The following KIF13A variants were observed in gnomAD, a reference collection of about 807,000 sequenced individuals.
KIF13A encodes the protein kinesin family member 13A, also known as kinesin-like protein KIF13A.
In KIF13A, 79 loss-of-function variants were observed where a neutral mutation model predicts 212.2. That is an observed-to-expected ratio of 0.37 (90% CI 0.31 to 0.45). KIF13A has a LOEUF of 0.45. Ranked by LOEUF, KIF13A falls within the 20% of genes least tolerant of loss-of-function variation. The pLI, the probability that KIF13A is intolerant of heterozygous loss-of-function variation, is 1.00. For missense variants in KIF13A, 1,901 were observed against 2,209.0 expected, an observed-to-expected ratio of 0.86 and a Z score of 2.79; for synonymous variants, 789 against 808.6, an observed-to-expected ratio of 0.98 and a Z score of 0.41.
At chr6:17,803,375 CAT>C (rs1762640710) in intron 20 of KIF13A, among the ~76,000 whole-genome samples, 1 of 152,088 alleles carries the variant, frequency 6.6e-6, no homozygotes, top group African/African-American at 2.4e-5. Flanking sequence ...GCAGAATGTC[CAT>C]GGGGTGTTTC....
At chr6:17,845,936 C>T (rs1766989791) in intron 9 of KIF13A, among the ~76,000 whole-genome samples, 1 of 152,026 alleles carries the variant, frequency 6.6e-6, no homozygotes, top group South Asian at 2.1e-4. Context: ...CCCTGACAGG[C>T]CTGCTTAAGA....
intron 35 of KIF13A, 121 bp downstream of exon 35, chr6:17,774,894 C>CA (rs1554161414): frequency 9.5e-6 from 6 of 630,026 alleles, no homozygotes; most frequent in Non-Finnish European, 7.9e-6. Flanking sequence ...TTTTCTTTTT[C>CA]TTTTTTTTTA....
chr6:17,826,088 G>A lies in KIF13A; in HGVS notation c.1569C>T (p.Thr523=), dbSNP rs1409454788. The A allele has an allele frequency of 1.5e-5, 25 of 1,613,994 alleles. No homozygotes were observed. Among genetic ancestry groups the A allele is most frequent in the Non-Finnish European group, 2.1e-5 (25 of 1,179,882 alleles). The stretch of plus-strand genomic sequence containing the variant: ...GGATTCGGTCACCATGCCACAGCTG[G>A]GTGGTACTGCACACAAGGGTGCCGT... The part of the protein sequence containing the change: ...CVNGTLVCST[T]QLWHGDRILW... Residue 523 remains threonine, a synonymous_variant, in exon 15 of 39, where the codon ACC becomes ACT. Coordinates refer to ENST00000259711, the MANE Select transcript of KIF13A (RefSeq NM_022113.6). The surrounding 1 kb of genome is among the most constrained non-coding windows in gnomAD (Gnocchi z 4.7).
chr6:17,824,478 G>A (rs766059348), intron 16 of KIF13A, among the ~76,000 whole-genome samples: 44 of 151,956 alleles, frequency 2.9e-4, no homozygotes, highest in Non-Finnish European at 4.7e-4. Context: ...CAAAATGCTC[G>A]GCTGGGCGTG....
Position 17,987,218 on chromosome 6 carries a change from CG to C in KIF13A, c.56-75del. On this transcript the variant is annotated intron_variant, in intron 1 of 38. Coordinates refer to ENST00000259711, the MANE Select transcript of KIF13A (RefSeq NM_022113.6). This position sits in a 1 kb window ranked among gnomAD's most constrained non-coding sequence, Gnocchi z 7.7. ...CAGCCCGCCCGCCCGCCAGCCGCGC[CG>C]AGCGGGGCTCCGTCCCTGGAGGCGG... 7.6e-7 allele frequency: 1 copy of C among 1,314,738 alleles called. No individual in the cohort carries two copies. The highest frequency in any genetic ancestry group is 1.1e-6 in the Non-Finnish European group (1 of 949,654). 81.4% of individuals were successfully genotyped at this position (1,314,738 alleles called of 1,614,324 possible). A position where few individuals can be genotyped will look rare whatever the true frequency, so the allele number is the denominator to read the frequency against.
rs189577243 is a variant in KIF13A at position 17,776,992 on chromosome 6, T to A, written c.4170+285A>T. Among the ~76,000 whole-genome samples, 545 of 152,318 alleles carry A rather than the reference T, an allele frequency of 3.6e-3. 2 individuals are homozygous for A. Among genetic ancestry groups the A allele is most frequent in the African/African-American group, 0.013 (524 of 41,558 alleles). ...CCAGGGACTCGGGTGCAAGTATTCA[T>A]AGCTGACTCCACCATCTGTAACCAA... On this transcript the variant is annotated intron_variant, in intron 34 of 38. Transcript: ENST00000259711. This position sits in a 1 kb window ranked among gnomAD's most constrained non-coding sequence, Gnocchi z 4.6.
At chr6:17,784,941 A>G (rs934989806) in intron 28 of KIF13A, among the ~76,000 whole-genome samples, 5 of 152,190 alleles carry the variant, frequency 3.3e-5, no homozygotes, top group African/African-American at 1.2e-4. Flanking sequence ...CAGTTCAAAA[A>G]AGACTATCTG....
At chr6:17,896,017 G>A (rs1323079649) in intron 3 of KIF13A, among the ~76,000 whole-genome samples, 2 of 151,980 alleles carry the variant, frequency 1.3e-5, no homozygotes, top group African/African-American at 2.4e-5. Context: ...GGTATATGTG[G>A]GGAATTGGTT....
intron 4 of KIF13A, among the ~76,000 whole-genome samples, chr6:17,866,716 T>A (rs1300184233): frequency 6.6e-6 from 1 of 151,106 alleles, no homozygotes; most frequent in African/African-American, 2.4e-5. Context: ...TGTTTCTGGG[T>A]CCAACAAACA....
chr6:17,837,113 T>A lies in KIF13A; in HGVS notation c.943-23A>T. On this transcript the variant is annotated intron_variant, in intron 10 of 38. Transcript: ENST00000259711. This position sits in a 1 kb window ranked among gnomAD's most constrained non-coding sequence, Gnocchi z 5.4. ...GTCCTGCCAAGTATTTCAAACAGCA[T>A]CTTAGGAAGCCCATTCCATGGACAA... 2 of 1,602,622 alleles carry A rather than the reference T, an allele frequency of 1.2e-6. No homozygotes were observed. Among genetic ancestry groups the A allele is most frequent in the Non-Finnish European group, 1.7e-6 (2 of 1,170,286 alleles).
At chr6:17,831,956 G>C (rs2150373154) in intron 12 of KIF13A, among the ~76,000 whole-genome samples, 1 of 152,074 alleles carries the variant, frequency 6.6e-6, no homozygotes, top group South Asian at 2.1e-4. Flanking sequence ...GGTGGGAGGA[G>C]ACAGGCCATA....
In KIF13A at chr6:17,825,937, G is replaced by A; in HGVS notation, c.1620-3C>T. 1 of 1,613,464 alleles carries A rather than the reference G, an allele frequency of 6.2e-7. No individual in the cohort carries two copies. Among genetic ancestry groups the A allele is most frequent in the Non-Finnish European group, 8.5e-7 (1 of 1,179,736 alleles). On this transcript the variant is annotated splice_region_variant and splice_polypyrimidine_tract_variant and intron_variant, in intron 15 of 38. Transcript: ENST00000259711. This position sits in a 1 kb window ranked among gnomAD's most constrained non-coding sequence, Gnocchi z 4.5. ...GTTTCCTCTTAGGTAAGTTTATTCT[G>A]TGGGGTTTTTCACCATTAGAGAAAA...
At chr6:17,885,041 T>G (rs906234657) in intron 3 of KIF13A, among the ~76,000 whole-genome samples, 1 of 152,180 alleles carries the variant, frequency 6.6e-6, no homozygotes, top group African/African-American at 2.4e-5. Context: ...ATGTTCAAAT[T>G]TTTCTTTTAA....
chr6:17,936,033 C>T lies in KIF13A; in HGVS notation c.147-37853G>A, dbSNP rs184132680. On this transcript the variant is annotated intron_variant, in intron 2 of 38. Transcript: ENST00000259711. ...AAAAGCCCACACTGACCAACTCAAA[C>T]ACATATGAATGATTAAAAGTAACTT... Among the ~76,000 whole-genome samples the T allele has an allele frequency of 3.4e-3, 517 of 152,310 alleles. 2 individuals are homozygous for T. Among genetic ancestry groups the T allele is most frequent in the African/African-American group, 0.012 (490 of 41,558 alleles).
chr6:17,921,688 A>C (rs1335135489), intron 2 of KIF13A, among the ~76,000 whole-genome samples: 1 of 152,182 alleles, frequency 6.6e-6, no homozygotes, highest in Non-Finnish European at 1.5e-5. Context: ...GGAGAGAGGA[A>C]GGGAGGAGAA....
chr6:17,804,357 T>A lies in KIF13A; in HGVS notation c.2454+4A>T, dbSNP rs746866898. On this transcript the variant is annotated splice_donor_region_variant and intron_variant, in intron 20 of 38. Transcript: ENST00000259711. ...ATCGTTCTCCAAGGCTGGCCTGTGC[T>A]TACCTCCCCCTGCTGGCTGATGATA... 2.6e-6 allele frequency: 4 copies of A among 1,534,786 alleles called. No individual in the cohort carries two copies. The South Asian group carries it at 4.9e-5, about 19-fold the overall frequency.
Position 17,777,301 on chromosome 6 carries a change from G to C in KIF13A, c.4146C>G (p.Ser1382Arg). 1.2e-6 allele frequency: 2 copies of C among 1,613,110 alleles called. No homozygotes were observed. Among genetic ancestry groups the C allele is most frequent in the Non-Finnish European group, 1.7e-6 (2 of 1,179,420 alleles). ...CATTATGAACATTTGGTGTACTGAG[G>C]CTCCTCCGAATGTGCCGGGCTTTGG... ...LSTKARHIRRSLSTPNVHNVS... is the reference protein window; with the variant it reads ...LSTKARHIRRRLSTPNVHNVS... The change falls in exon 34 of 39, where the codon AGC (serine) becomes AGG (arginine). Residue 1382 changes from serine (S) to arginine (R), a missense_variant. Around this residue, in one of 5 missense-constraint regions of KIF13A, gnomAD observed 687 missense variants for 759.1 expected, o/e 0.90. Transcript: ENST00000259711. The surrounding 1 kb of genome is among the most constrained non-coding windows in gnomAD (Gnocchi z 4.4).
rs1390113591 is a variant in KIF13A at position 17,915,943 on chromosome 6, AAAAATAAAAAT to A, written c.147-17774_147-17764del. On this transcript the variant is annotated intron_variant, in intron 2 of 38. Coordinates refer to ENST00000259711, the MANE Select transcript of KIF13A (RefSeq NM_022113.6). This position sits in a 1 kb window ranked among gnomAD's most constrained non-coding sequence, Gnocchi z 4.4. The stretch of plus-strand genomic sequence containing the variant: ...GTGACAGAGAGCCAGTCTCAAAAAA[AAAAATAAAAAT>A]AAAAATAAAATAAAATAAAATAAAT... Among the ~76,000 whole-genome samples, 42 of 132,262 alleles carry A rather than the reference AAAAATAAAAAT, an allele frequency of 3.2e-4. No individual in the cohort carries two copies. The East Asian group carries it at 5.5e-3, about 17-fold the overall frequency. The allele number at this position is 132,262 out of a possible 152,430, so 86.8% of individuals were successfully genotyped here.
chr6:17,832,983 C>T (rs1291012547), intron 12 of KIF13A, among the ~76,000 whole-genome samples: 2 of 132,410 alleles, frequency 1.5e-5, no homozygotes, highest in African/African-American at 6.0e-5. Context: ...CACTGCACTC[C>T]AGCCTGGGCG....
Sources: gnomAD v4.1 joint callset for allele counts (sites outside exome capture counted in the v4.1 genomes callset) on GRCh38, gnomAD v4.1.1 for gene constraint, gnomAD v4.1.1 regional missense constraint, Gnocchi (gnomAD v3.1) non-coding constraint, MANE v1.5 for transcripts, NCBI Gene and HGNC (gene_info 2026-07-23, HGNC 2026-07-21) for gene names.